The following LSG1 variants were observed in gnomAD, a reference collection of about 807,000 sequenced individuals.
LSG1 encodes large subunit GTPase 1 homolog.
A neutral mutation model predicts 82.6 loss-of-function variants in LSG1; 55 were observed. The observed-to-expected ratio is 0.67, with a 90% CI of 0.54 to 0.83. LSG1 has a LOEUF of 0.83. LSG1 is among the 40% of genes least tolerant of loss of function. The pLI is 0.00. For synonymous variants in LSG1, 272 were observed against 282.5 expected (o/e 0.96, Z 0.37); for missense variants, 809 against 807.9 (o/e 1.00, Z -0.02).
At chr3:194,666,343 T>C (rs1719029483) in intron 3 of LSG1, 54 bp from the exon 4 acceptor site, 8 of 1,601,576 alleles carry the variant, frequency 5.0e-6, no homozygotes, top group Non-Finnish European at 6.8e-6. Flanking sequence ...CAAAATAAAA[T>C]AGGTAATTTG....
At position 194,648,784 on chromosome 3, in the gene LSG1, T is replaced by A; in HGVS notation, c.1440A>T (p.Arg480Ser). 1.2e-6 allele frequency: 2 copies of A among 1,614,004 alleles called. No homozygotes were observed. The highest frequency in any genetic ancestry group is 2.2e-5 in the South Asian group (2 of 91,048). The change falls in exon 11 of 14, where the codon AGA becomes AGT. Residue 480 changes from arginine to serine, a missense_variant. By Grantham distance (110) the Arg-to-Ser change is moderately radical. Transcript: ENST00000265245. ...TGCCATAGGTAGCTTCTAAAACATG[T>A]CTTGGAATATTCTGGCAAACGTAGC... The part of the protein sequence containing the change: ...PVSLVCQNIP[R>S]HVLEATYGIN...
At chr3:194,645,503 C>G (rs1323402815) in intron 12 of LSG1, 1 of 53,404 alleles carries the variant, frequency 1.9e-5, no homozygotes, top group Non-Finnish European at 4.1e-5. Flanking sequence ...GCTACACACA[C>G]ACACACACAC....
intron 11 of LSG1, among the ~76,000 whole-genome samples, chr3:194,647,436 C>T (rs1718577273): frequency 6.6e-6 from 1 of 152,210 alleles, no homozygotes; most frequent in Non-Finnish European, 1.5e-5. Flanking sequence ...GAAAGATGCT[C>T]AACTTCACTA....
rs915868814 is a variant in LSG1 at position 194,641,393 on chromosome 3, T to A, written c.*675A>T. The A allele has an allele frequency of 3.3e-5, 5 of 152,174 alleles. No individual in the cohort carries two copies. Among genetic ancestry groups the A allele is most frequent in the Non-Finnish European group, 5.9e-5 (4 of 68,022 alleles). The allele number at this position is 152,174 out of a possible 1,614,324, so 9.4% of individuals were successfully genotyped here. On this transcript the variant is annotated 3_prime_UTR_variant, in exon 14 of 14. Coordinates refer to ENST00000265245, the MANE Select transcript of LSG1 (RefSeq NM_018385.3). ...ATTTGCTTATTCTGGACATTTTAAA[T>A]AAGTGGAATAACCAGTGAAGATGGG... is the stretch of plus-strand genomic sequence containing the variant.
intron 7 of LSG1, 149 bp from the exon 8 acceptor site, chr3:194,653,291 G>C: frequency 1.4e-6 from 1 of 694,136 alleles, no homozygotes; most frequent in South Asian, 1.9e-5. Flanking sequence ...AAGGTGCGCA[G>C]ATCATTTGAG....
chr3:194,663,763 CGCCTCAGAGAAAGCCTTTCCCTTCTTCT>C lies in LSG1; in HGVS notation c.521+1766_521+1793del, dbSNP rs1560228130. Among the ~76,000 whole-genome samples the C allele has an allele frequency of 2.0e-3, 209 of 105,564 alleles. 2 individuals are homozygous for C. Among genetic ancestry groups the C allele is most frequent in the Middle Eastern group, 4.5e-3 (1 of 222 alleles). The allele number at this position is 105,564 out of a possible 152,430, so 69.3% of individuals were successfully genotyped here. On this transcript the variant is annotated intron_variant, in intron 5 of 13. Transcript: ENST00000265245. ...CTCAGAGAAAGCCTTTCCCTTCTTC[CGCCTCAGAGAAAGCCTTTCCCTTCTTCT>C]GCCTCAGAGAAAGCCTTTCCCTTCT... is the stretch of plus-strand genomic sequence containing the variant.
chr3:194,669,905 TG>T, intron 2 of LSG1, 103 bp downstream of exon 2: 1 of 1,365,026 alleles, frequency 7.3e-7, no homozygotes, highest in Non-Finnish European at 1.0e-6. Flanking sequence ...CACTTCAGCC[TG>T]GGTGACAGAG....
At position 194,641,604 on chromosome 3, in the gene LSG1, GA is replaced by G. The variant is rs2108613090; in HGVS notation, c.*463del. On this transcript the variant is annotated 3_prime_UTR_variant, in exon 14 of 14. Transcript: ENST00000265245. ...CACCTTCGTCCCAAATGTGTCTCGT[GA>G]ACCATCCCTTGCAAATTTTTTTTCT... 6.5e-6 allele frequency: 1 copy of G among 152,996 alleles called. No individual in the cohort carries two copies. Among genetic ancestry groups the G allele is most frequent in the African/African-American group, 2.4e-5 (1 of 41,526 alleles). The allele number at this position is 152,996 out of a possible 1,614,324, so 9.5% of individuals were successfully genotyped here.
chr3:194,670,149 C>T lies in LSG1; in HGVS notation c.100-14G>A, dbSNP rs940680305. ...ACTTGTGTGCAACTATGAAAAAACA[C>T]AGGGTGATAAATACAGCTGCTCTCT... On this transcript the variant is annotated splice_polypyrimidine_tract_variant and intron_variant, in intron 1 of 13. Transcript: ENST00000265245. The T allele has an allele frequency of 6.2e-7, 1 of 1,611,740 alleles. No homozygotes were observed. The highest frequency in any genetic ancestry group is 1.1e-5 in the South Asian group (1 of 90,956).
rs1718382101 is a variant in LSG1 at position 194,641,550 on chromosome 3, A to G, written c.*518T>C. 6.6e-6 allele frequency: 1 copy of G among 152,468 alleles called. No individual in the cohort carries two copies. 9.4% of individuals were successfully genotyped at this position (152,468 alleles called of 1,614,324 possible). On this transcript the variant is annotated 3_prime_UTR_variant, in exon 14 of 14. Transcript: ENST00000265245. ...TGTTTAGAGTCGGAGGAACCCAACT[A>G]GGACACTCAGAATGGGGAATTTCTC...
rs766078471 is a variant in LSG1, at chr3:194,646,167, GACA to G, written c.1617_1619del (p.Val540del). On this transcript the variant is annotated inframe_deletion, in exon 12 of 14. Transcript: ENST00000265245. ...ATGAGAGGCAGGGTTCACTTACACT[GACA>G]TAGTCCTTCAGGATGTAGCGCGCAG... 1 of 1,613,962 alleles carries G rather than the reference GACA, an allele frequency of 6.2e-7. No homozygotes were observed.
In LSG1 at chr3:194,670,119, A is replaced by G. The variant is rs1353609061; in HGVS notation, c.116T>C (p.Leu39Pro). ...ACGACCCCAATCATAGCCATCATTG[A>G]GTTCACTTGTGTGCAACTATGAAAA... ...HTDSWLHTSELNDGYDWGRLN... is the reference protein window; with the variant it reads ...HTDSWLHTSEPNDGYDWGRLN... Residue 39 changes from leucine (L) to proline (P), a missense_variant, in exon 2 of 14, where the codon CTC (leucine) becomes CCC (proline). Coordinates refer to ENST00000265245, the MANE Select transcript of LSG1 (RefSeq NM_018385.3). 6.2e-7 allele frequency: 1 copy of G among 1,602,160 alleles called. No individual in the cohort carries two copies. Among genetic ancestry groups the G allele is most frequent in the Non-Finnish European group, 8.5e-7 (1 of 1,176,054 alleles).
chr3:194,660,283 T>C (rs1718900396), intron 5 of LSG1, 150 bp from the exon 6 acceptor site: 1 of 667,732 alleles, frequency 1.5e-6, no homozygotes, highest in African/African-American at 1.8e-5. Context: ...CCGGTTTATA[T>C]ATGAGTGACT....
intron 1 of LSG1, among the ~76,000 whole-genome samples, chr3:194,671,674 G>C (rs1405940668): frequency 6.6e-6 from 1 of 152,152 alleles, no homozygotes; most frequent in East Asian, 1.9e-4. Flanking sequence ...TTATATTTCT[G>C]GCAGTAACCA....
At chr3:194,655,991 A>G (rs1406582881) in intron 7 of LSG1, among the ~76,000 whole-genome samples, 2 of 152,218 alleles carry the variant, frequency 1.3e-5, no homozygotes, top group Non-Finnish European at 2.9e-5. Flanking sequence ...ACCTTACACA[A>G]AAATTAATTC....
intron 10 of LSG1, among the ~76,000 whole-genome samples, chr3:194,650,036 C>A (rs943100638): frequency 2.6e-5 from 4 of 152,138 alleles, no homozygotes; most frequent in Non-Finnish European, 4.4e-5. Flanking sequence ...TATCGTGCCT[C>A]AGCCTCCCGA....
intron 10 of LSG1, among the ~76,000 whole-genome samples, chr3:194,649,449 C>G (rs112063210): frequency 6.6e-6 from 1 of 150,770 alleles, no homozygotes; most frequent in Non-Finnish European, 1.5e-5. Context: ...TTTGGGAGGT[C>G]GAGGCAGGCA....
intron 6 of LSG1, 35 bp from the exon 7 acceptor site, chr3:194,659,168 C>A: frequency 6.7e-7 from 1 of 1,497,906 alleles, no homozygotes; most frequent in South Asian, 1.2e-5. Context: ...AAGACCTCTT[C>A]AAACAAGTAA....
intron 8 of LSG1, 184 bp from the exon 9 acceptor site, chr3:194,651,400 C>T: frequency 1.7e-6 from 1 of 590,322 alleles, no homozygotes; most frequent in South Asian, 2.1e-5. Flanking sequence ...TTTATTCAGA[C>T]ACATCTCCAG....
Sources: gnomAD v4.1 joint callset for allele counts (sites outside exome capture counted in the v4.1 genomes callset) on GRCh38, gnomAD v4.1.1 for gene constraint, MANE v1.5 for transcripts, NCBI Gene and HGNC (gene_info 2026-07-23, HGNC 2026-07-21) for gene names.